Variants in PCCA observed in about 807,000 individuals in gnomAD.
The protein encoded by PCCA is propionyl-CoA carboxylase alpha chain, mitochondrial.
PCCA carries 74 observed loss-of-function variants against 101.3 expected under a neutral mutation model. The observed-to-expected ratio is 0.73, with a 90% CI of 0.61 to 0.89. The LOEUF is 0.89. PCCA is among the 40% of genes least tolerant of loss of function. PCCA has a pLI of 0.00. For synonymous variants in PCCA, 294 were observed against 313.6 expected (o/e 0.94, Z 0.66); for missense variants, 891 against 907.0 (o/e 0.98, Z 0.23).
chr13:100,293,331 C>A, intron 12 of PCCA: 1 of 417,188 alleles, frequency 2.4e-6, no homozygotes, highest in Non-Finnish European at 5.0e-6. Context: ...TCACAGGGAA[C>A]CTTTATATTC....
intron 9 of PCCA, among the ~76,000 whole-genome samples, chr13:100,258,214 A>G (rs2062208134): frequency 6.6e-6 from 1 of 152,184 alleles, no homozygotes; most frequent in African/African-American, 2.4e-5. Context: ...TATAATTTAG[A>G]ATACTTTTTA....
rs1248015754 is a variant in PCCA, at chr13:100,108,612, T to TG, written c.184-3228dup. On this transcript the variant is annotated intron_variant, in intron 2 of 23. Transcript: ENST00000376285. ...CTGTTCATGTGCTCCCTTCTCTGTGTGTAGCATCCTGCACAAAGCCTTATT... is the reference window on the plus strand; with the variant it reads ...CTGTTCATGTGCTCCCTTCTCTGTGTGGTAGCATCCTGCACAAAGCCTTATT... Among the ~76,000 whole-genome samples the TG allele has an allele frequency of 2.0e-5, 3 of 152,224 alleles. No individual in the cohort carries two copies. The East Asian group carries it at 5.8e-4, about 29-fold the overall frequency.
chr13:100,384,371 G>A (rs780349478), intron 19 of PCCA, among the ~76,000 whole-genome samples: 10 of 152,044 alleles, frequency 6.6e-5, no homozygotes, highest in African/African-American at 9.7e-5. Flanking sequence ...TTTGTGTAAC[G>A]TTTTCATAAA....
intron 22 of PCCA, among the ~76,000 whole-genome samples, chr13:100,517,267 CG>C (rs542643856): frequency 2.6e-5 from 4 of 152,172 alleles, no homozygotes; most frequent in Non-Finnish European, 5.9e-5. Flanking sequence ...AGGCAGTAAA[CG>C]GGGCGCTCCC....
intron 18 of PCCA, among the ~76,000 whole-genome samples, chr13:100,354,137 G>C (rs2073669516): frequency 6.8e-6 from 1 of 148,106 alleles, no homozygotes; most frequent in South Asian, 2.1e-4. Context: ...TTCGCTGGGT[G>C]TGGTGGCACA....
chr13:100,530,197 T>C lies in PCCA; in HGVS notation c.*31T>C. 6.5e-7 allele frequency: 1 copy of C among 1,536,492 alleles called. No homozygotes were observed. Among genetic ancestry groups the C allele is most frequent in the South Asian group, 1.1e-5 (1 of 89,274 alleles). On this transcript the variant is annotated 3_prime_UTR_variant, in exon 24 of 24. Transcript: ENST00000376285. ...TTATAACCTTTCAGTCATCACCCAA[T>C]TTAATTAGCCATTTGCATGATGCTT...
chr13:100,246,265 G>T (rs1227820018), intron 8 of PCCA, among the ~76,000 whole-genome samples: 26 of 151,652 alleles, frequency 1.7e-4, no homozygotes. Context: ...AGTAATTTCA[G>T]ATTTCTGCTA....
chr13:100,301,629 G>C (rs1417207876), intron 13 of PCCA, 26 bp downstream of exon 13: 3 of 1,613,646 alleles, frequency 1.9e-6, no homozygotes, highest in Admixed American at 1.7e-5. Flanking sequence ...TTGGGAGGAA[G>C]GATGGTGGTT....
chr13:100,282,993 G>C (rs1463340045), intron 12 of PCCA, among the ~76,000 whole-genome samples: 1 of 151,988 alleles, frequency 6.6e-6, no homozygotes, highest in Non-Finnish European at 1.5e-5. Flanking sequence ...CAAGCTGTAG[G>C]GGGAGGGGAA....
chr13:100,279,354 G>C (rs577588237), intron 12 of PCCA, among the ~76,000 whole-genome samples: 1 of 152,132 alleles, frequency 6.6e-6, no homozygotes, highest in African/African-American at 2.4e-5. Context: ...TGTGTGATAG[G>C]GGGTATTTGA....
At chr13:100,415,060 G>A (rs1040752193) in intron 19 of PCCA, among the ~76,000 whole-genome samples, 1 of 152,000 alleles carries the variant, frequency 6.6e-6, no homozygotes, top group African/African-American at 2.4e-5. Flanking sequence ...TGTAAAATGG[G>A]AGGAGGAGAG....
chr13:100,501,211 T>C (rs1594030264), intron 21 of PCCA, among the ~76,000 whole-genome samples: 2 of 152,238 alleles, frequency 1.3e-5, no homozygotes, highest in Non-Finnish European at 2.9e-5. Flanking sequence ...TACATACTTT[T>C]TGAAATTATT....
At chr13:100,365,086 T>G (rs2075035025) in intron 18 of PCCA, among the ~76,000 whole-genome samples, 1 of 152,198 alleles carries the variant, frequency 6.6e-6, no homozygotes, top group South Asian at 2.1e-4. Flanking sequence ...AAAGTGCCAC[T>G]GCAGGAGTTA....
At chr13:100,468,501 G>T (rs1385624684) in intron 21 of PCCA, among the ~76,000 whole-genome samples, 1 of 152,222 alleles carries the variant, frequency 6.6e-6, no homozygotes, top group East Asian at 1.9e-4. Flanking sequence ...GACCTTCTGC[G>T]TGACTTACTG....
intron 7 of PCCA, among the ~76,000 whole-genome samples, chr13:100,233,605 A>G (rs2060616961): frequency 6.6e-6 from 1 of 152,168 alleles, no homozygotes; most frequent in Non-Finnish European, 1.5e-5. Flanking sequence ...CAAAGACCAT[A>G]TTGGGGCTGA....
chr13:100,194,360 A>C (rs1337404696), intron 6 of PCCA, among the ~76,000 whole-genome samples: 4 of 152,240 alleles, frequency 2.6e-5, no homozygotes, highest in Admixed American at 2.6e-4. Flanking sequence ...CAAAGAAAAT[A>C]GAAAAAGCAC....
intron 16 of PCCA, among the ~76,000 whole-genome samples, chr13:100,326,908 T>G (rs1241093900): frequency 6.6e-6 from 1 of 152,204 alleles, no homozygotes. Context: ...TAGTATTTAC[T>G]TTTTTGTAGC....
intron 9 of PCCA, among the ~76,000 whole-genome samples, chr13:100,261,572 G>A (rs1018059217): frequency 1.3e-5 from 2 of 151,978 alleles, no homozygotes; most frequent in Non-Finnish European, 2.9e-5. Context: ...CATCATGTTG[G>A]CCAGGCTGGT....
intron 7 of PCCA, among the ~76,000 whole-genome samples, chr13:100,235,278 G>GAA (rs554536034): frequency 3.3e-4 from 38 of 116,656 alleles, no homozygotes; most frequent in African/African-American, 5.3e-4. Flanking sequence ...ATATGTACCT[G>GAA]AAAAAAAAAA....
Sources: allele counts gnomAD v4.1 joint callset (sites outside exome capture counted in the v4.1 genomes callset), GRCh38; gene constraint gnomAD v4.1.1; transcripts MANE v1.5; gene names NCBI Gene and HGNC (gene_info 2026-07-23, HGNC 2026-07-21).